The following STX11 variants were observed in gnomAD, a reference collection of about 807,000 sequenced individuals.
STX11 encodes syntaxin 11.
Under a neutral mutation model 19.9 loss-of-function variants are expected in STX11, and 21 were observed. The observed-to-expected ratio is 1.06, with a 90% confidence interval of 0.75 to 1.52. The LOEUF is 1.52. Ranked by LOEUF, STX11 falls within the 40% of genes most tolerant of loss-of-function variation. STX11 has a pLI of 0.00. For synonymous variants in STX11, 193 were observed against 174.4 expected (o/e 1.11, Z -0.84); for missense variants, 438 against 405.9 (o/e 1.08, Z -0.68).
At position 144,189,880 on chromosome 6, in the gene STX11, G is replaced by A. The variant is rs191162781; in HGVS notation, c.*2389G>A. 1.6e-4 allele frequency among the ~76,000 whole-genome samples: 25 copies of A among 152,254 alleles called. No homozygotes were observed. The East Asian group carries it at 4.8e-3, about 29-fold the overall frequency. On this transcript the variant is annotated 3_prime_UTR_variant, in exon 2 of 2. Coordinates refer to ENST00000367568, the MANE Select transcript of STX11 (RefSeq NM_003764.4). The stretch of plus-strand genomic sequence containing the variant: ...GGAAAGGGGAAAAAATGTTCACATA[G>A]CTCCACTGCAATGTTTTTTATAATA...
In STX11 at chr6:144,182,798, G is replaced by A. The variant is rs999448024; in HGVS notation, c.-5-3825G>A. Among the ~76,000 whole-genome samples the A allele has an allele frequency of 8.5e-5, 13 of 152,180 alleles. No homozygotes were observed. Among genetic ancestry groups the A allele is most frequent in the Admixed American group, 3.3e-4 (5 of 15,278 alleles). ...TATCTACCCATTTCCTTCCATTGAAGTGCCTTGTAAGGCTTGGCCAACATG... is the reference window on the plus strand; with the variant it reads ...TATCTACCCATTTCCTTCCATTGAAATGCCTTGTAAGGCTTGGCCAACATG... On this transcript the variant is annotated intron_variant, in intron 1 of 1. Transcript: ENST00000367568. This position sits in a 1 kb window ranked among gnomAD's most constrained non-coding sequence, Gnocchi z 4.8.
chr6:144,153,466 T>C lies in STX11; in HGVS notation c.-6+2763T>C, dbSNP rs547552846. On this transcript the variant is annotated intron_variant, in intron 1 of 1. Coordinates refer to ENST00000367568, the MANE Select transcript of STX11 (RefSeq NM_003764.4). This position sits in a 1 kb window ranked among gnomAD's most constrained non-coding sequence, Gnocchi z 5.0. The stretch of plus-strand genomic sequence containing the variant: ...AAACAGCACTGGACGTTCAGGAAAC[T>C]CCAGCCTGTTTAGTGACGGCACAGA... Among the ~76,000 whole-genome samples the C allele has an allele frequency of 1.8e-4, 28 of 152,232 alleles. No homozygotes were observed. Among genetic ancestry groups the C allele is most frequent in the African/African-American group, 6.5e-4 (27 of 41,546 alleles).
In STX11 at chr6:144,170,281, G is replaced by A. The variant is rs182304391; in HGVS notation, c.-5-16342G>A. Among the ~76,000 whole-genome samples, 1 of 152,286 alleles carries A rather than the reference G, an allele frequency of 6.6e-6. No homozygotes were observed. Among genetic ancestry groups the A allele is most frequent in the East Asian group, 1.9e-4 (1 of 5,186 alleles). On this transcript the variant is annotated intron_variant, in intron 1 of 1. Transcript: ENST00000367568. This position sits in a 1 kb window ranked among gnomAD's most constrained non-coding sequence, Gnocchi z 4.7. ...AAGTTCTTGGTGCTATGTGGAGCATGGTGGAGAATCTGCTATTGGTGCATC... is the reference window on the plus strand; with the variant it reads ...AAGTTCTTGGTGCTATGTGGAGCATAGTGGAGAATCTGCTATTGGTGCATC...
At position 144,187,573 on chromosome 6, in the gene STX11, T is replaced by G. The variant is rs1802095696; in HGVS notation, c.*82T>G. 5 of 1,576,416 alleles carry G rather than the reference T, an allele frequency of 3.2e-6. No individual in the cohort carries two copies. The highest frequency in any genetic ancestry group is 2.3e-5 in the East Asian group (1 of 43,512). On this transcript the variant is annotated 3_prime_UTR_variant, in exon 2 of 2. Transcript: ENST00000367568. This position sits in a 1 kb window ranked among gnomAD's most constrained non-coding sequence, Gnocchi z 5.6. ...CGCACCAAAGCCGGGAGCTCTGCCCTGCAGGGAGTTGCCCCAACCCTTTCC... is the reference window on the plus strand; with the variant it reads ...CGCACCAAAGCCGGGAGCTCTGCCCGGCAGGGAGTTGCCCCAACCCTTTCC...
chr6:144,145,964 A>T (rs1800865470), upstream of STX11, among the ~76,000 whole-genome samples: 1 of 152,202 alleles, frequency 6.6e-6, no homozygotes, highest in African/African-American at 2.4e-5. Context: ...CTATATTGTA[A>T]ATATTTTATC....
upstream of STX11, among the ~76,000 whole-genome samples, chr6:144,146,151 C>T (rs961067164): frequency 1.3e-5 from 2 of 152,164 alleles, no homozygotes; most frequent in African/African-American, 4.8e-5. This position sits in a 1 kb window ranked among gnomAD's most constrained non-coding sequence, Gnocchi z 4.4. Context: ...GAGGACCTTC[C>T]AACCCTGGGA....
rs1801116865 is a variant in STX11 at position 144,155,651 on chromosome 6, C to T, written c.-6+4948C>T. The stretch of plus-strand genomic sequence containing the variant: ...GCTGTTCAATTCAACTGTGGTTTCC[C>T]TGAGAGAAGAGAATAGCTAGAGTTG... On this transcript the variant is annotated intron_variant, in intron 1 of 1. Coordinates refer to ENST00000367568, the MANE Select transcript of STX11 (RefSeq NM_003764.4). This position sits in a 1 kb window ranked among gnomAD's most constrained non-coding sequence, Gnocchi z 4.5. Among the ~76,000 whole-genome samples the T allele has an allele frequency of 6.6e-6, 1 of 152,172 alleles. No individual in the cohort carries two copies. The highest frequency in any genetic ancestry group is 2.4e-5 in the African/African-American group (1 of 41,444).
chr6:144,185,996 T>A (rs1035673475), intron 1 of STX11, among the ~76,000 whole-genome samples: 1 of 151,906 alleles, frequency 6.6e-6, no homozygotes, highest in Non-Finnish European at 1.5e-5. Flanking sequence ...CCCCAAAGCC[T>A]TGTAGATTAT....
intron 1 of STX11, among the ~76,000 whole-genome samples, chr6:144,179,748 A>G (rs1299003759): frequency 5.3e-5 from 8 of 152,242 alleles, no homozygotes. Flanking sequence ...TCACAAAGAT[A>G]CTATATAAGC....
Position 144,174,062 on chromosome 6 carries a change from G to A in STX11, c.-5-12561G>A, listed in dbSNP as rs1052986506. Among the ~76,000 whole-genome samples the A allele has an allele frequency of 3.9e-5, 6 of 152,160 alleles. No homozygotes were observed. Among genetic ancestry groups the A allele is most frequent in the Admixed American group, 3.3e-4 (5 of 15,276 alleles). On this transcript the variant is annotated intron_variant, in intron 1 of 1. Coordinates refer to ENST00000367568, the MANE Select transcript of STX11 (RefSeq NM_003764.4). The surrounding 1 kb of genome is among the most constrained non-coding windows in gnomAD (Gnocchi z 5.3). Reference sequence around the variant, plus strand: ...AGCAGTCTTCTGTTGGGCTCTCCGCGGCTCCTTCATTTTCAGTCTTTTGTT... The same window carrying A: ...AGCAGTCTTCTGTTGGGCTCTCCGCAGCTCCTTCATTTTCAGTCTTTTGTT...
In STX11 at chr6:144,160,582, G is replaced by A. The variant is rs1179899510; in HGVS notation, c.-6+9879G>A. 6.6e-6 allele frequency among the ~76,000 whole-genome samples: 1 copy of A among 152,118 alleles called. No homozygotes were observed. The highest frequency in any genetic ancestry group is 1.9e-4 in the East Asian group (1 of 5,186). On this transcript the variant is annotated intron_variant, in intron 1 of 1. Transcript: ENST00000367568. The surrounding 1 kb of genome is among the most constrained non-coding windows in gnomAD (Gnocchi z 4.3). ...AAGCAAATAGGCCAAGTGCTAACAT[G>A]TGCATATTTAACCTATGAACCTCTA...
chr6:144,189,120 C>G lies in STX11; in HGVS notation c.*1629C>G, dbSNP rs1397902196. Reference sequence around the variant, plus strand: ...CTTACTGCAGCCTTAAACTCCCAGGCTCAAGTGATCCTCCCACCTCAGCCT... The same window carrying G: ...CTTACTGCAGCCTTAAACTCCCAGGGTCAAGTGATCCTCCCACCTCAGCCT... On this transcript the variant is annotated 3_prime_UTR_variant, in exon 2 of 2. Coordinates refer to ENST00000367568, the MANE Select transcript of STX11 (RefSeq NM_003764.4). Among the ~76,000 whole-genome samples, 1 of 152,120 alleles carries G rather than the reference C, an allele frequency of 6.6e-6. No individual in the cohort carries two copies. Among genetic ancestry groups the G allele is most frequent in the East Asian group, 1.9e-4 (1 of 5,194 alleles).
chr6:144,184,917 G>C lies in STX11; in HGVS notation c.-5-1706G>C, dbSNP rs1156753408. 6.6e-6 allele frequency among the ~76,000 whole-genome samples: 1 copy of C among 152,026 alleles called. No individual in the cohort carries two copies. Among genetic ancestry groups the C allele is most frequent in the Non-Finnish European group, 1.5e-5 (1 of 68,006 alleles). On this transcript the variant is annotated intron_variant, in intron 1 of 1. Coordinates refer to ENST00000367568, the MANE Select transcript of STX11 (RefSeq NM_003764.4). This position sits in a 1 kb window ranked among gnomAD's most constrained non-coding sequence, Gnocchi z 6.5. ...CATATATTATAATTTCTCCCCAGTT[G>C]GTGGTTTGTCTTTCAATTTTGTTCA...
intron 1 of STX11, among the ~76,000 whole-genome samples, chr6:144,168,060 A>G (rs1413344981): frequency 6.6e-6 from 1 of 152,260 alleles, no homozygotes; most frequent in Non-Finnish European, 1.5e-5. Context: ...CACTGTTAAC[A>G]GCAACAACAA....
intron 1 of STX11, among the ~76,000 whole-genome samples, chr6:144,158,327 T>C (rs141326768): frequency 2.9e-3 from 448 of 152,268 alleles, no homozygotes; most frequent in Middle Eastern, 6.8e-3. Flanking sequence ...ACAGCCCAAA[T>C]TCCTTTGCTG....
rs985263997 is a variant in STX11, at chr6:144,153,074, A to G, written c.-6+2371A>G. On this transcript the variant is annotated intron_variant, in intron 1 of 1. Coordinates refer to ENST00000367568, the MANE Select transcript of STX11 (RefSeq NM_003764.4). This position sits in a 1 kb window ranked among gnomAD's most constrained non-coding sequence, Gnocchi z 5.0. ...TACCGTATCACAGTTTACTGTTGCA[A>G]TTGAAATCTGCTGAGATGCTTTTGA... 6.6e-6 allele frequency among the ~76,000 whole-genome samples: 1 copy of G among 152,238 alleles called. No individual in the cohort carries two copies. The highest frequency in any genetic ancestry group is 1.5e-5 in the Non-Finnish European group (1 of 68,044).
At chr6:144,143,747 G>A in the STX11 span, among the ~76,000 whole-genome samples, 1 of 152,126 alleles carries the variant, frequency 6.6e-6, no homozygotes, top group Admixed American at 6.5e-5. Flanking sequence ...GTGGATTGGA[G>A]GGGCAAAAGG....
chr6:144,162,471 A>G lies in STX11; in HGVS notation c.-6+11768A>G, dbSNP rs1801367362. Reference sequence around the variant, plus strand: ...CTTTAGTGGAGTTTTGGAAGGGAGCAAAAGTAATGTTCAATTTGCTATTTT... The same window carrying G: ...CTTTAGTGGAGTTTTGGAAGGGAGCGAAAGTAATGTTCAATTTGCTATTTT... On this transcript the variant is annotated intron_variant, in intron 1 of 1. Transcript: ENST00000367568. The surrounding 1 kb of genome is among the most constrained non-coding windows in gnomAD (Gnocchi z 4.6). Among the ~76,000 whole-genome samples, 1 of 152,208 alleles carries G rather than the reference A, an allele frequency of 6.6e-6. No individual in the cohort carries two copies.
At chr6:144,163,539 G>A (rs776522400) in intron 1 of STX11, among the ~76,000 whole-genome samples, 12 of 151,884 alleles carry the variant, frequency 7.9e-5, no homozygotes, top group Non-Finnish European at 1.2e-4. Flanking sequence ...GTGCAGTGGC[G>A]CAATCTCAGC....
Sources: gnomAD v4.1 joint callset for allele counts (sites outside exome capture counted in the v4.1 genomes callset) on GRCh38, gnomAD v4.1.1 for gene constraint, Gnocchi (gnomAD v3.1) non-coding constraint, MANE v1.5 for transcripts, NCBI Gene and HGNC (gene_info 2026-07-23, HGNC 2026-07-21) for gene names.